Variants in ANKS1B observed in about 807,000 individuals in gnomAD.
ANKS1B encodes ankyrin repeat and sterile alpha motif domain containing 1B.
A neutral mutation model predicts 148.3 loss-of-function variants in ANKS1B; 36 were observed. The ratio of observed to expected loss-of-function variants is 0.24; its 90% CI spans 0.19 to 0.32. ANKS1B has a LOEUF of 0.32. Among genes scored for constraint, ANKS1B ranks in the 10% least tolerant of loss-of-function variants. The probability of loss-of-function intolerance (pLI) is 1.00; values close to 1 mark genes in which losing one functional copy is unlikely to be tolerated. For synonymous variants in ANKS1B, 542 were observed against 560.8 expected (o/e 0.97, Z 0.47); for missense variants, 1,157 against 1,542.6 (o/e 0.75, Z 4.19).
intron 16 of ANKS1B, among the ~76,000 whole-genome samples, chr12:99,071,297 C>G (rs919186056): frequency 3.9e-5 from 6 of 152,332 alleles, no homozygotes; most frequent in Admixed American, 1.3e-4. Flanking sequence ...ACAGAAATAT[C>G]TCACTTGAAT....
chr12:99,556,588 A>G (rs914688348), intron 9 of ANKS1B, among the ~76,000 whole-genome samples: 13 of 152,168 alleles, frequency 8.5e-5, no homozygotes, highest in African/African-American at 1.2e-4. Flanking sequence ...TTAGTGCTAT[A>G]ATCTTTCCTC....
chr12:98,866,885 T>G (rs1281635183), intron 17 of ANKS1B, among the ~76,000 whole-genome samples: 1 of 152,212 alleles, frequency 6.6e-6, no homozygotes, highest in Non-Finnish European at 1.5e-5. Context: ...CTTTATTTTT[T>G]GGGCTCCCCT....
intron 9 of ANKS1B, among the ~76,000 whole-genome samples, chr12:99,596,657 T>C (rs1030595782): frequency 6.6e-6 from 1 of 151,944 alleles, no homozygotes; most frequent in Non-Finnish European, 1.5e-5. Context: ...ATAAACTTTG[T>C]CTAGCACAAA....
At chr12:99,902,907 C>G (rs530986762) in intron 1 of ANKS1B, among the ~76,000 whole-genome samples, 1 of 121,368 alleles carries the variant, frequency 8.2e-6, no homozygotes, top group Admixed American at 7.9e-5. Context: ...TGCACCACCA[C>G]GCCCGGCTAA....
intron 12 of ANKS1B, among the ~76,000 whole-genome samples, chr12:99,264,174 T>C (rs951502098): frequency 6.6e-6 from 1 of 152,176 alleles, no homozygotes; most frequent in Non-Finnish European, 1.5e-5. Context: ...CTAAATTCAG[T>C]AAATCTGTAA....
At chr12:99,409,042 T>G (rs1388621773) in intron 11 of ANKS1B, among the ~76,000 whole-genome samples, 4 of 152,028 alleles carry the variant, frequency 2.6e-5, no homozygotes, top group African/African-American at 9.7e-5. Flanking sequence ...CATAGCTCAT[T>G]CTCTCTCATG....
chr12:99,810,363 T>C (rs1416852676), intron 3 of ANKS1B, among the ~76,000 whole-genome samples: 2 of 151,824 alleles, frequency 1.3e-5, no homozygotes, highest in Non-Finnish European at 2.9e-5. Context: ...TACATAAAAG[T>C]TTATAATTAA....
At chr12:98,805,097 C>T (rs7133786) in intron 20 of ANKS1B, among the ~76,000 whole-genome samples, 13,006 of 152,056 alleles carry the variant, frequency 0.086, 1,636 homozygotes, top group African/African-American at 0.28. Flanking sequence ...GAAAGGATTC[C>T]TTAAGTAATC....
chr12:99,322,942 T>C (rs964989627), intron 12 of ANKS1B, among the ~76,000 whole-genome samples: 5 of 152,206 alleles, frequency 3.3e-5, no homozygotes, highest in Non-Finnish European at 7.4e-5. Flanking sequence ...CCATGTAACA[T>C]GTGTCTTTCA....
intron 10 of ANKS1B, among the ~76,000 whole-genome samples, chr12:99,446,267 T>A (rs2095636802): frequency 6.6e-6 from 1 of 151,942 alleles, no homozygotes; most frequent in Non-Finnish European, 1.5e-5. Flanking sequence ...AGCTGTTATT[T>A]CATATACAAA....
intron 8 of ANKS1B, among the ~76,000 whole-genome samples, chr12:99,745,192 A>C (rs1461714391): frequency 1.3e-5 from 2 of 152,112 alleles, no homozygotes; most frequent in East Asian, 3.8e-4. Context: ...GAGAATAAGG[A>C]AACATAACAT....
chr12:98,945,917 G>C (rs1010637600), intron 17 of ANKS1B, among the ~76,000 whole-genome samples: 7 of 152,136 alleles, frequency 4.6e-5, no homozygotes, highest in Admixed American at 1.3e-4. Context: ...TTTTCCCCTA[G>C]TCCCTCTCTT....
rs999864220 is a variant in ANKS1B at position 99,078,060 on chromosome 12, C to T, written c.2625+6865G>A. Among the ~76,000 whole-genome samples, 3 of 152,130 alleles carry T rather than the reference C, an allele frequency of 2.0e-5. No homozygotes were observed. In the South Asian group the frequency reaches 6.2e-4, roughly 32 times the overall value. On this transcript the variant is annotated intron_variant, in intron 16 of 26. Transcript: ENST00000683438. The stretch of plus-strand genomic sequence containing the variant: ...GGCAGGACTTCTGCTCTCCAGTGTG[C>T]CACAGTTTCCACCACTCCATATTGT...
chr12:99,762,522 C>T (rs1428749315), intron 8 of ANKS1B, among the ~76,000 whole-genome samples: 2 of 151,886 alleles, frequency 1.3e-5, no homozygotes, highest in African/African-American at 4.8e-5. Context: ...TCATACACAA[C>T]AATTAAGAAA....
At chr12:99,952,699 G>C (rs2095249331) in intron 1 of ANKS1B, among the ~76,000 whole-genome samples, 1 of 152,138 alleles carries the variant, frequency 6.6e-6, no homozygotes, top group Admixed American at 6.5e-5. Context: ...GTGGTGCCGG[G>C]AGTTTCCAAA....
At chr12:99,561,269 T>C (rs2097333629) in intron 9 of ANKS1B, among the ~76,000 whole-genome samples, 2 of 152,202 alleles carry the variant, frequency 1.3e-5, no homozygotes, top group South Asian at 4.1e-4. Context: ...AGAACTTCTT[T>C]CAAAATCGGA....
At chr12:99,781,210 T>A (rs562613303) in intron 5 of ANKS1B, among the ~76,000 whole-genome samples, 4 of 152,280 alleles carry the variant, frequency 2.6e-5, no homozygotes, top group South Asian at 2.1e-4. Context: ...ATTTGTTATA[T>A]CACCACACTG....
intron 17 of ANKS1B, among the ~76,000 whole-genome samples, chr12:98,857,237 G>A (rs2099576597): frequency 6.6e-6 from 1 of 152,236 alleles, no homozygotes; most frequent in African/African-American, 2.4e-5. Context: ...GGTCTTAGAG[G>A]ACGCTGTTCA....
intron 8 of ANKS1B, among the ~76,000 whole-genome samples, chr12:99,671,614 T>C (rs937010131): frequency 6.6e-6 from 1 of 152,132 alleles, no homozygotes; most frequent in Non-Finnish European, 1.5e-5. Flanking sequence ...AAGTATATAA[T>C]TAAAATGTAT....
Sources: allele counts gnomAD v4.1 joint callset (sites outside exome capture counted in the v4.1 genomes callset), GRCh38; gene constraint gnomAD v4.1.1; transcripts MANE v1.5; gene names NCBI Gene and HGNC (gene_info 2026-07-23, HGNC 2026-07-21).